Variants in GRIP1 observed in about 807,000 individuals in gnomAD.
GRIP1 encodes glutamate receptor interacting protein 1.
GRIP1 carries 45 observed loss-of-function variants against 129.9 expected under a neutral mutation model. That is an observed-to-expected ratio of 0.35 (90% confidence interval 0.27 to 0.44). The LOEUF (loss-of-function observed/expected upper bound fraction) is 0.44, where lower values mean the gene tolerates loss of function less well. Ranked by LOEUF, GRIP1 falls within the 20% of genes least tolerant of loss-of-function variation. GRIP1 has a pLI of 1.00. For missense variants in GRIP1, 1,196 were observed against 1,396.8 expected, an observed-to-expected ratio of 0.86 and a Z score of 2.29; for synonymous variants, 530 against 520.8, an observed-to-expected ratio of 1.02 and a Z score of -0.24.
chr12:66,446,681 T>TA (rs1220461268), intron 11 of GRIP1, among the ~76,000 whole-genome samples: 1 of 152,206 alleles, frequency 6.6e-6, no homozygotes, highest in Non-Finnish European at 1.5e-5. Context: ...CTGCCTCCTC[T>TA]AACCTATAGC....
chr12:66,655,641 G>A (rs1339864509), intron 1 of GRIP1, among the ~76,000 whole-genome samples: 8 of 128,564 alleles, frequency 6.2e-5, no homozygotes, highest in African/African-American at 9.1e-5. Context: ...ACAGAGTCTC[G>A]CTCTGTCACC....
chr12:66,542,014 C>A (rs2061797044), intron 2 of GRIP1, 64 bp from the exon 3 acceptor site: 1 of 1,449,138 alleles, frequency 6.9e-7, no homozygotes, highest in Non-Finnish European at 9.7e-7. Flanking sequence ...CATTTCTCCT[C>A]CCCAGAAGTT....
At position 66,934,599 on chromosome 12, in the gene GRIP1, C is replaced by T. The variant is rs116393113; in HGVS notation, c.58+134451G>A. ...AACACTTGAATGAATTTTTAAAATA[C>T]TTCAATAAATTTTTAACAGTAAAAA... On this transcript the variant is annotated intron_variant, in intron 1 of 1. Transcript: ENST00000643019. Among the ~76,000 whole-genome samples, 803 of 152,290 alleles carry T rather than the reference C, an allele frequency of 5.3e-3. 11 individuals carry two copies. The highest frequency in any genetic ancestry group is 0.018 in the African/African-American group (757 of 41,562).
intron 1 of GRIP1, among the ~76,000 whole-genome samples, chr12:66,744,666 T>A (rs562157837): frequency 1.8e-4 from 28 of 152,248 alleles, no homozygotes; most frequent in South Asian, 1.2e-3. Context: ...TCAGCCCATA[T>A]ATCTCCTGTC....
intron 15 of GRIP1, among the ~76,000 whole-genome samples, chr12:66,414,634 C>T (rs1451312531): frequency 1.3e-5 from 2 of 152,046 alleles, no homozygotes; most frequent in African/African-American, 4.8e-5. Context: ...GCCTGTATAG[C>T]CAAACCAATC....
chr12:66,395,115 C>T (rs568343621), intron 16 of GRIP1, among the ~76,000 whole-genome samples: 1 of 152,334 alleles, frequency 6.6e-6, no homozygotes, highest in South Asian at 2.1e-4. Context: ...GTTGAAGACA[C>T]TTGTGAATGT....
intron 1 of GRIP1, among the ~76,000 whole-genome samples, chr12:66,887,810 A>C (rs2040590401): frequency 6.6e-6 from 1 of 152,214 alleles, no homozygotes; most frequent in Admixed American, 6.5e-5. Context: ...TTCCTTAGCC[A>C]GAGAAGATAT....
At chr12:66,783,196 A>G (rs1233699913) in intron 1 of GRIP1, among the ~76,000 whole-genome samples, 1 of 152,046 alleles carries the variant, frequency 6.6e-6, no homozygotes, top group Non-Finnish European at 1.5e-5. Flanking sequence ...ACACTTGGCT[A>G]CTTTTTGTAC....
chr12:66,564,358 T>C (rs949715011), intron 2 of GRIP1, among the ~76,000 whole-genome samples: 3 of 147,050 alleles, frequency 2.0e-5, no homozygotes, highest in Non-Finnish European at 3.0e-5. Context: ...TTCCCACCTA[T>C]GAGTGAGAAG....
chr12:66,907,760 A>G (rs773471221), intron 1 of GRIP1, among the ~76,000 whole-genome samples: 9 of 152,228 alleles, frequency 5.9e-5, no homozygotes, highest in Non-Finnish European at 4.4e-5. Context: ...TCAAATAACA[A>G]CAAAGAAAGG....
In GRIP1 at chr12:66,348,114, T is replaced by TTAAG. The variant is rs2054057737; in HGVS notation, c.*901_*904dup. 6.6e-6 allele frequency: 1 copy of TTAAG among 152,202 alleles called. No homozygotes were observed. Among genetic ancestry groups the TTAAG allele is most frequent in the African/African-American group, 2.4e-5 (1 of 41,444 alleles). 9.4% of individuals were successfully genotyped at this position (152,202 alleles called of 1,614,324 possible). A position where few individuals can be genotyped will look rare whatever the true frequency, so the allele number is the denominator to read the frequency against. ...AGCAAAAGATAGTCCAGTGTCATTT[T>TTAAG]TAAGTACATGTGCTGTACACCCTCA... On this transcript the variant is annotated 3_prime_UTR_variant, in exon 25 of 25. Transcript: ENST00000359742.
rs975992863 is a variant in GRIP1 at position 66,532,776 on chromosome 12, C to A, written c.419-2862G>T. 4.6e-5 allele frequency among the ~76,000 whole-genome samples: 7 copies of A among 151,802 alleles called. No homozygotes were observed. The East Asian group carries it at 1.4e-3, about 29-fold the overall frequency. On this transcript the variant is annotated intron_variant, in intron 4 of 24. Transcript: ENST00000359742. The stretch of plus-strand genomic sequence containing the variant: ...TCTCCCTCTCTCCTCCTCCACTTCA[C>A]CACCACCACCACCACCACCACCATC...
intron 11 of GRIP1, 37 bp downstream of exon 11, chr12:66,455,372 T>C (rs535373795): frequency 1.2e-6 from 2 of 1,607,974 alleles, no homozygotes; most frequent in African/African-American, 1.3e-5. Flanking sequence ...CACAGGTTTT[T>C]TCCAGGCCAA....
chr12:66,782,689 C>T (rs772654478), intron 1 of GRIP1, among the ~76,000 whole-genome samples: 3 of 152,142 alleles, frequency 2.0e-5, no homozygotes, highest in Non-Finnish European at 2.9e-5. Flanking sequence ...AGTGACAAAG[C>T]TGGGATCAGA....
intron 1 of GRIP1, among the ~76,000 whole-genome samples, chr12:66,646,251 C>T (rs1565938453): frequency 6.6e-6 from 1 of 152,180 alleles, no homozygotes; most frequent in Non-Finnish European, 1.5e-5. Flanking sequence ...GTATACTTGA[C>T]TTTCAAGCAA....
At chr12:66,840,636 C>A (rs959884854) in intron 1 of GRIP1, among the ~76,000 whole-genome samples, 3 of 152,166 alleles carry the variant, frequency 2.0e-5, no homozygotes, top group Non-Finnish European at 4.4e-5. Flanking sequence ...AATATTAACT[C>A]TGAAATACCT....
At chr12:66,969,972 A>ATG (rs1464230676) in intron 1 of GRIP1, among the ~76,000 whole-genome samples, 1 of 152,168 alleles carries the variant, frequency 6.6e-6, no homozygotes, top group Non-Finnish European at 1.5e-5. Context: ...CCCTTAACAT[A>ATG]TGAATCATAG....
chr12:66,759,322 C>T (rs1237376699), intron 1 of GRIP1, among the ~76,000 whole-genome samples: 1 of 152,204 alleles, frequency 6.6e-6, no homozygotes, highest in Non-Finnish European at 1.5e-5. Flanking sequence ...CACAGGGCAC[C>T]AAGTCCCTAG....
intron 5 of GRIP1, among the ~76,000 whole-genome samples, chr12:66,519,147 A>C (rs1458814165): frequency 1.3e-5 from 2 of 152,254 alleles, no homozygotes; most frequent in Non-Finnish European, 2.9e-5. Flanking sequence ...CTAAGAGAAA[A>C]ATTAAAAGGC....
Sources: gnomAD v4.1 joint callset for allele counts (sites outside exome capture counted in the v4.1 genomes callset) on GRCh38, gnomAD v4.1.1 for gene constraint, MANE v1.5 for transcripts, NCBI Gene and HGNC (gene_info 2026-07-23, HGNC 2026-07-21) for gene names.